ASTN2: variants seen among roughly 807,000 people sequenced by gnomAD.
ASTN2 encodes astrotactin 2.
ASTN2 carries 54 observed loss-of-function variants against 139.8 expected under a neutral mutation model. The observed-to-expected ratio is 0.39, with a 90% CI of 0.31 to 0.48. The LOEUF (loss-of-function observed/expected upper bound fraction) is 0.48, where lower values mean the gene tolerates loss of function less well. Ranked by LOEUF, ASTN2 falls within the 20% of genes least tolerant of loss-of-function variation. The pLI is 0.95. For missense variants in ASTN2, 1,565 were observed against 1,725.1 expected, an observed-to-expected ratio of 0.91 and a Z score of 1.64; for synonymous variants, 756 against 719.5, an observed-to-expected ratio of 1.05 and a Z score of -0.81.
intron 11 of ASTN2, among the ~76,000 whole-genome samples, chr9:116,854,967 C>CA (rs931894959): frequency 7.2e-6 from 1 of 138,804 alleles, no homozygotes; most frequent in African/African-American, 3.3e-5. Context: ...TCTCATTATT[C>CA]CCCCCCCACC....
intron 19 of ASTN2, among the ~76,000 whole-genome samples, chr9:116,538,624 T>C (rs1258284344): frequency 6.6e-6 from 1 of 152,174 alleles, no homozygotes; most frequent in Non-Finnish European, 1.5e-5. Context: ...AAATTCTTCA[T>C]GTTGATCTAA....
At chr9:117,012,957 T>C (rs959022002) in intron 6 of ASTN2, among the ~76,000 whole-genome samples, 1 of 152,182 alleles carries the variant, frequency 6.6e-6, no homozygotes, top group Non-Finnish European at 1.5e-5. Flanking sequence ...TGAGAACTTA[T>C]AGCCCAGAAA....
intron 17 of ASTN2, among the ~76,000 whole-genome samples, chr9:116,638,561 A>C (rs1433780304): frequency 6.6e-6 from 1 of 151,360 alleles, no homozygotes; most frequent in Non-Finnish European, 1.5e-5. Context: ...AAGCCCGATC[A>C]AGCCTCTAGA....
chr9:116,441,833 T>C (rs1238049749), intron 21 of ASTN2, among the ~76,000 whole-genome samples: 2 of 152,206 alleles, frequency 1.3e-5, no homozygotes, highest in African/African-American at 2.4e-5. Flanking sequence ...AAGAACAAAG[T>C]ATATGGTGGA....
At chr9:117,226,136 C>T (rs1479813714) in intron 2 of ASTN2, among the ~76,000 whole-genome samples, 1 of 152,210 alleles carries the variant, frequency 6.6e-6, no homozygotes, top group Non-Finnish European at 1.5e-5. Flanking sequence ...ATTCCAATTA[C>T]AGTCAAGTTC....
chr9:117,281,439 T>C (rs767917299), intron 2 of ASTN2, among the ~76,000 whole-genome samples: 1 of 152,174 alleles, frequency 6.6e-6, no homozygotes, highest in African/African-American at 2.4e-5. Flanking sequence ...GGTGGATTAA[T>C]TGAAGGGAGA....
chr9:116,795,030 G>T lies in ASTN2; in HGVS notation c.2396+10602C>A, dbSNP rs148787164. Among the ~76,000 whole-genome samples, 555 of 152,316 alleles carry T rather than the reference G, an allele frequency of 3.6e-3. 1 individual carries two copies. Among genetic ancestry groups the T allele is most frequent in the African/African-American group, 0.012 (488 of 41,564 alleles). ...TCACTCTTGTTGCCCAGGCTAGAGT[G>T]CAATGGTGCAATCTCGGCTTACTGC... On this transcript the variant is annotated intron_variant, in intron 13 of 22. Coordinates refer to ENST00000313400, the MANE Select transcript of ASTN2 (RefSeq NM_001365068.1).
rs1183052985 is a variant in ASTN2 at position 117,291,385 on chromosome 9, G to T, written c.571C>A (p.Leu191Ile). 1 of 1,614,228 alleles carries T rather than the reference G, an allele frequency of 6.2e-7. No homozygotes were observed. The highest frequency in any genetic ancestry group is 1.1e-5 in the South Asian group (1 of 91,084). The change falls in exon 2 of 23, where the codon CTC becomes ATC. Residue 191 changes from leucine (L) to isoleucine (I), a missense_variant. Transcript: ENST00000313400. ...TCAACAATCTCCGAGGGCTCCTGGA[G>T]AGTGGGGGCGGTGGCTTGGGCCAGC... Reference protein sequence around the residue: ...GQLAQATAPTLQEPSEIVEEQ... With the variant: ...GQLAQATAPTIQEPSEIVEEQ...
chr9:116,865,990 C>T (rs552343731), intron 10 of ASTN2, among the ~76,000 whole-genome samples: 3 of 152,316 alleles, frequency 2.0e-5, no homozygotes, highest in Admixed American at 2.0e-4. Flanking sequence ...CCAATCTCCA[C>T]AGTAGCTTTA....
intron 2 of ASTN2, among the ~76,000 whole-genome samples, chr9:117,290,729 T>G (rs1443346184): frequency 6.6e-6 from 1 of 152,220 alleles, no homozygotes; most frequent in Non-Finnish European, 1.5e-5. Context: ...TCAAGAGTAG[T>G]TCCATCATTC....
intron 1 of ASTN2, among the ~76,000 whole-genome samples, chr9:117,307,765 C>T: frequency 6.6e-6 from 1 of 152,172 alleles, no homozygotes; most frequent in Non-Finnish European, 1.5e-5. Flanking sequence ...TGTGTGTCCT[C>T]AAATACATGG....
intron 13 of ASTN2, among the ~76,000 whole-genome samples, chr9:116,749,493 T>C (rs1233055781): frequency 1.3e-5 from 2 of 152,190 alleles, no homozygotes; most frequent in Non-Finnish European, 2.9e-5. Context: ...CTACAGAACT[T>C]ACCCACAACC....
At chr9:116,912,590 C>T (rs1454512077) in intron 10 of ASTN2, among the ~76,000 whole-genome samples, 2 of 152,122 alleles carry the variant, frequency 1.3e-5, no homozygotes, top group African/African-American at 4.8e-5. Flanking sequence ...GGATTTCTTC[C>T]CCCTGAAGTG....
chr9:117,072,461 T>C (rs757802221), intron 5 of ASTN2, among the ~76,000 whole-genome samples: 3 of 152,208 alleles, frequency 2.0e-5, no homozygotes, highest in Non-Finnish European at 4.4e-5. Context: ...TCTTGCAGTC[T>C]GGCACTAGTT....
intron 2 of ASTN2, among the ~76,000 whole-genome samples, chr9:117,283,589 A>G (rs903463865): frequency 6.6e-6 from 1 of 152,202 alleles, no homozygotes; most frequent in African/African-American, 2.4e-5. Context: ...TGTGACTTGC[A>G]TAAGATCATG....
intron 20 of ASTN2, among the ~76,000 whole-genome samples, chr9:116,454,727 A>C (rs1420813079): frequency 2.0e-5 from 3 of 152,232 alleles, no homozygotes; most frequent in Non-Finnish European, 4.4e-5. Context: ...GGATGAGTTC[A>C]TGTCCTTTGT....
intron 22 of ASTN2, among the ~76,000 whole-genome samples, chr9:116,435,484 CTTG>C (rs1317653314): frequency 1.3e-5 from 2 of 152,186 alleles, no homozygotes; most frequent in Non-Finnish European, 2.9e-5. Context: ...ACAACCCAGC[CTTG>C]TTGTTTTTGT....
At chr9:116,844,842 A>G (rs752732832) in intron 11 of ASTN2, among the ~76,000 whole-genome samples, 22 of 152,208 alleles carry the variant, frequency 1.4e-4, no homozygotes, top group Non-Finnish European at 3.1e-4. Context: ...GCAGCCTTCA[A>G]CACACACTTA....
At chr9:117,120,471 G>C (rs1829530308) in intron 4 of ASTN2, among the ~76,000 whole-genome samples, 1 of 152,118 alleles carries the variant, frequency 6.6e-6, no homozygotes, top group South Asian at 2.1e-4. Flanking sequence ...ATACACCAGA[G>C]GAAGAGGAAC....
Sources: gnomAD v4.1 joint callset for allele counts (sites outside exome capture counted in the v4.1 genomes callset) on GRCh38, gnomAD v4.1.1 for gene constraint, MANE v1.5 for transcripts, NCBI Gene and HGNC (gene_info 2026-07-23, HGNC 2026-07-21) for gene names.